The following LGR6 variants were observed in gnomAD, a reference collection of about 807,000 sequenced individuals.
LGR6 encodes the protein leucine rich repeat containing G protein-coupled receptor 6, also known as leucine-rich repeat-containing G protein-coupled receptor 6.
LGR6 carries 45 observed loss-of-function variants against 69.4 expected under a neutral mutation model. That is an observed-to-expected ratio of 0.65 (90% confidence interval 0.51 to 0.83). The LOEUF is 0.83. Among genes scored for constraint, LGR6 ranks in the 40% least tolerant of loss-of-function variants. The pLI is 0.00. For synonymous variants in LGR6, 538 were observed against 555.0 expected (o/e 0.97, Z 0.43); for missense variants, 1,108 against 1,246.7 (o/e 0.89, Z 1.68).
intron 10 of LGR6, among the ~76,000 whole-genome samples, chr1:202,303,862 A>G (rs371201824): frequency 2.6e-4 from 39 of 152,200 alleles, no homozygotes; most frequent in African/African-American, 9.2e-4. Context: ...CACACCACAA[A>G]GTTCATTCAT....
intron 4 of LGR6, among the ~76,000 whole-genome samples, chr1:202,252,206 T>A (rs1009912315): frequency 6.6e-6 from 1 of 152,160 alleles, no homozygotes; most frequent in African/African-American, 2.4e-5. Context: ...CACTTCCCTT[T>A]CTTCCCCCTA....
At chr1:202,234,589 T>C (rs376823618) in intron 3 of LGR6, among the ~76,000 whole-genome samples, 38 of 152,292 alleles carry the variant, frequency 2.5e-4, no homozygotes, top group African/African-American at 7.0e-4. Context: ...GTGTCTAGAC[T>C]GTGGACCCAA....
At chr1:202,240,564 G>T (rs1248384679) in intron 4 of LGR6, among the ~76,000 whole-genome samples, 3 of 151,830 alleles carry the variant, frequency 2.0e-5, no homozygotes, top group African/African-American at 7.3e-5. Flanking sequence ...GGACATCAGT[G>T]TGTGTGTGTG....
chr1:202,317,636 A>G (rs189877463), intron 17 of LGR6, among the ~76,000 whole-genome samples: 65 of 152,262 alleles, frequency 4.3e-4, no homozygotes, highest in Non-Finnish European at 4.9e-4. Context: ...GTGAGCCACC[A>G]TGCCTGGCCT....
intron 3 of LGR6, among the ~76,000 whole-genome samples, chr1:202,232,099 CT>C (rs1661132218): frequency 4.4e-5 from 2 of 45,088 alleles, no homozygotes; most frequent in Admixed American, 5.5e-4. Context: ...AAAACGCCGT[CT>C]CAAAAAAAAA....
At chr1:202,203,874 CG>C (rs1558003109) in intron 1 of LGR6, 1 of 1,612,072 alleles carries the variant, frequency 6.2e-7, no homozygotes, top group East Asian at 2.2e-5. Context: ...CATCTCTGCC[CG>C]GTGAGTTGTT....
intron 4 of LGR6, among the ~76,000 whole-genome samples, chr1:202,250,086 CTT>C (rs1352847777): frequency 6.6e-6 from 1 of 152,202 alleles, no homozygotes; most frequent in Non-Finnish European, 1.5e-5. Flanking sequence ...TTGCAGTTCT[CTT>C]GGGCGTGCAG....
At chr1:202,289,723 G>A (rs921337410) in intron 6 of LGR6, among the ~76,000 whole-genome samples, 6 of 152,184 alleles carry the variant, frequency 3.9e-5, no homozygotes, top group African/African-American at 1.4e-4. Flanking sequence ...CCCCAAGCAC[G>A]TGGAGTCATA....
intron 1 of LGR6, among the ~76,000 whole-genome samples, chr1:202,195,775 C>T (rs1277303560): frequency 6.6e-6 from 1 of 152,160 alleles, no homozygotes; most frequent in Non-Finnish European, 1.5e-5. Context: ...AAGGAAGGTC[C>T]CTTGCCTGGG....
intron 1 of LGR6, among the ~76,000 whole-genome samples, chr1:202,208,875 C>T (rs1413585484): frequency 6.6e-6 from 1 of 152,104 alleles, no homozygotes; most frequent in Non-Finnish European, 1.5e-5. Flanking sequence ...CCTAGCATGC[C>T]CAGTGCCAAT....
intron 1 of LGR6, among the ~76,000 whole-genome samples, chr1:202,214,570 G>A (rs1166251357): frequency 6.6e-6 from 1 of 152,170 alleles, no homozygotes; most frequent in African/African-American, 2.4e-5. Context: ...ACCTGGCGTG[G>A]GTTCGCGCTG....
intron 12 of LGR6, 65 bp from the exon 13 acceptor site, chr1:202,306,802 CG>C (rs758068077): frequency 9.1e-6 from 13 of 1,435,490 alleles, no homozygotes; most frequent in African/African-American, 5.6e-5. Flanking sequence ...TCCCAGTGCT[CG>C]GGGGGCATGG....
At chr1:202,235,279 G>A (rs1321301042) in intron 3 of LGR6, among the ~76,000 whole-genome samples, 1 of 152,178 alleles carries the variant, frequency 6.6e-6, no homozygotes, top group Non-Finnish European at 1.5e-5. Flanking sequence ...GGGGTTTTGG[G>A]ACTTAGGTCC....
chr1:202,207,335 A>C (rs1659290503), intron 1 of LGR6, among the ~76,000 whole-genome samples: 1 of 152,176 alleles, frequency 6.6e-6, no homozygotes, highest in African/African-American at 2.4e-5. Context: ...GCCTTTGTCC[A>C]GATGGGCAGG....
intron 6 of LGR6, among the ~76,000 whole-genome samples, chr1:202,295,258 G>A (rs1667068226): frequency 6.8e-6 from 1 of 146,964 alleles, no homozygotes; most frequent in African/African-American, 2.5e-5. Context: ...AACCTGGGAG[G>A]CAGAGGTTGC....
chr1:202,208,320 G>A (rs1659332091), intron 1 of LGR6, among the ~76,000 whole-genome samples: 1 of 152,012 alleles, frequency 6.6e-6, no homozygotes, highest in Non-Finnish European at 1.5e-5. Flanking sequence ...TGTGGGGTGA[G>A]AGTTCCTGAC....
At chr1:202,204,022 C>G (rs981922638) in intron 1 of LGR6, 2 of 665,470 alleles carry the variant, frequency 3.0e-6, no homozygotes, top group African/African-American at 3.6e-5. Flanking sequence ...GTATGTTTGT[C>G]TGATTGTGAT....
chr1:202,276,182 G>C, intron 4 of LGR6, 124 bp from the exon 5 acceptor site: 1 of 720,040 alleles, frequency 1.4e-6, no homozygotes, highest in Non-Finnish European at 2.4e-6. Context: ...TGGTGGCCAA[G>C]TCACAACTTT....
intron 1 of LGR6, among the ~76,000 whole-genome samples, chr1:202,207,247 C>T (rs1396651166): frequency 1.3e-5 from 2 of 152,146 alleles, no homozygotes; most frequent in Non-Finnish European, 2.9e-5. Context: ...CCTTTCTCCC[C>T]TTAACCTAGG....
Sources: allele counts gnomAD v4.1 joint callset (sites outside exome capture counted in the v4.1 genomes callset), GRCh38; gene constraint gnomAD v4.1.1; transcripts MANE v1.5; gene names NCBI Gene and HGNC (gene_info 2026-07-23, HGNC 2026-07-21).